AMDHD1: variants seen among roughly 807,000 people sequenced by gnomAD.
The protein encoded by AMDHD1 is amidohydrolase domain containing 1.
In AMDHD1, 45 loss-of-function variants were observed where a neutral mutation model predicts 44.1. That is an observed-to-expected ratio of 1.02 (90% CI 0.80 to 1.31). AMDHD1 has a LOEUF of 1.31. AMDHD1 is among the 50% of genes most tolerant of loss of function. The pLI is 0.00. For synonymous variants in AMDHD1, 206 were observed against 205.0 expected, an observed-to-expected ratio of 1.00 and a Z score of -0.04; for missense variants, 586 against 552.1, an observed-to-expected ratio of 1.06 and a Z score of -0.61.
intron 1 of AMDHD1, among the ~76,000 whole-genome samples, chr12:95,944,102 T>C (rs1214596948): frequency 1.3e-5 from 2 of 152,112 alleles, no homozygotes; most frequent in Non-Finnish European, 2.9e-5. Context: ...GAAAACAAGA[T>C]ATTTCTCTTA....
In AMDHD1 at chr12:95,943,414, A is replaced by G. The variant is rs1256560419; in HGVS notation, c.16A>G (p.Ser6Gly). Residue 6 changes from serine to glycine, a missense_variant, in exon 1 of 9, where the codon AGC becomes GGC. Coordinates refer to ENST00000266736, the MANE Select transcript of AMDHD1 (RefSeq NM_152435.3). ...GCGAGGCGACATGGCAAGCGGCCAC[A>G]GCCTCCTGCTGGAGAACGCGCAGCA... MASGH[S>G]LLLENAQQVV... The G allele has an allele frequency of 6.7e-7, 1 of 1,501,280 alleles. No homozygotes were observed. Among genetic ancestry groups the G allele is most frequent in the Non-Finnish European group, 8.8e-7 (1 of 1,132,160 alleles). The allele number at this position is 1,501,280 out of a possible 1,614,324, so 93.0% of individuals were successfully genotyped here.
rs1443702325 is a variant in AMDHD1 at position 95,962,558 on chromosome 12, T to C, written c.938+79T>C. On this transcript the variant is annotated intron_variant, in intron 6 of 8. Transcript: ENST00000266736. Reference sequence around the variant, plus strand: ...ACAGACGTCCAAAGTGCCCAGACATTATTTCATTGCCCTTACAAATCCCTT... The same window carrying C: ...ACAGACGTCCAAAGTGCCCAGACATCATTTCATTGCCCTTACAAATCCCTT... 27 of 1,438,472 alleles carry C rather than the reference T, an allele frequency of 1.9e-5. No homozygotes were observed. In the East Asian group the frequency reaches 5.2e-4, roughly 27 times the overall value. The allele number at this position is 1,438,472 out of a possible 1,614,324, so 89.1% of individuals were successfully genotyped here. A position where few individuals can be genotyped will look rare whatever the true frequency, so the allele number is the denominator to read the frequency against.
At chr12:95,959,790 C>CTTTTTTTT (rs63130861) in intron 4 of AMDHD1, among the ~76,000 whole-genome samples, 1 of 67,360 alleles carries the variant, frequency 1.5e-5, no homozygotes, top group African/African-American at 6.2e-5. Flanking sequence ...GAAGATTATG[C>CTTTTTTTT]TTTTTTTTTT....
intron 6 of AMDHD1, 46 bp from the exon 7 acceptor site, chr12:95,965,640 A>C: frequency 7.3e-7 from 1 of 1,366,484 alleles, no homozygotes; most frequent in Non-Finnish European, 1.0e-6. Context: ...GCTATTCTAC[A>C]AAAGCTCCCA....
chr12:95,964,364 T>C (rs1365618683), intron 6 of AMDHD1, among the ~76,000 whole-genome samples: 1 of 152,246 alleles, frequency 6.6e-6, no homozygotes, highest in African/African-American at 2.4e-5. Context: ...CATTGCCTTA[T>C]GCTACTTAAG....
intron 1 of AMDHD1, among the ~76,000 whole-genome samples, chr12:95,951,128 A>G (rs1278528104): frequency 6.6e-6 from 1 of 152,168 alleles, no homozygotes; most frequent in South Asian, 2.1e-4. Flanking sequence ...TGTGCAACAT[A>G]TTATTGCTGA....
intron 4 of AMDHD1, among the ~76,000 whole-genome samples, chr12:95,958,404 T>C (rs574982590): frequency 2.0e-5 from 3 of 152,326 alleles, no homozygotes; most frequent in African/African-American, 7.2e-5. Flanking sequence ...AAGACATAAA[T>C]ATTTAATATT....
In AMDHD1 at chr12:95,943,526, T is replaced by A. The variant is rs2080476108; in HGVS notation, c.128T>A (p.Val43Glu). The change falls in exon 1 of 9, where the codon GTG becomes GAG. Residue 43 changes from valine to glutamate, a missense_variant. By Grantham distance (121) the Val-to-Glu change is moderately radical. Coordinates refer to ENST00000266736, the MANE Select transcript of AMDHD1 (RefSeq NM_152435.3). The part of the protein sequence containing the change: ...SLAVLEGASL[V>E]VGKDGFIKAI... ...GCGGTGCTGGAAGGCGCCAGCCTGG[T>A]GGTGGGCAAGTAAGTGGCCGGGCGC... 6.8e-7 allele frequency: 1 copy of A among 1,470,256 alleles called. No homozygotes were observed. The highest frequency in any genetic ancestry group is 2.9e-5 in the East Asian group (1 of 34,720). 91.1% of individuals were successfully genotyped at this position (1,470,256 alleles called of 1,614,324 possible). A position where few individuals can be genotyped will look rare whatever the true frequency, so the allele number is the denominator to read the frequency against.
intron 2 of AMDHD1, among the ~76,000 whole-genome samples, chr12:95,953,991 G>A (rs17024883): frequency 0.012 from 1,820 of 152,192 alleles, 28 homozygotes; most frequent in African/African-American, 0.042. Context: ...AGTCCAATCA[G>A]AGCCAATAAT....
chr12:95,964,952 G>C (rs1296251619), intron 6 of AMDHD1, among the ~76,000 whole-genome samples: 1 of 27,542 alleles, frequency 3.6e-5, no homozygotes, highest in Non-Finnish European at 7.1e-5. Context: ...AAAAAAAAAA[G>C]AGGGCAAAGG....
At chr12:95,949,160 G>GAAAAA (rs1358481972) in intron 1 of AMDHD1, among the ~76,000 whole-genome samples, 6 of 101,774 alleles carry the variant, frequency 5.9e-5, no homozygotes, top group Non-Finnish European at 1.1e-4. Flanking sequence ...AAAAAAAAAA[G>GAAAAA]AAAAAAAAAA....
intron 5 of AMDHD1, among the ~76,000 whole-genome samples, chr12:95,961,689 C>T (rs949830532): frequency 6.6e-6 from 1 of 152,266 alleles, no homozygotes; most frequent in African/African-American, 2.4e-5. Flanking sequence ...ATTTTGACTG[C>T]TGCCTCTCCC....
chr12:95,947,856 T>G (rs1424558741), intron 1 of AMDHD1, among the ~76,000 whole-genome samples: 3 of 68,508 alleles, frequency 4.4e-5, no homozygotes, highest in Non-Finnish European at 8.5e-5. Flanking sequence ...GTCTGGGAGG[T>G]GAGGGGCGCC....
Position 95,954,901 on chromosome 12 carries a change from T to C in AMDHD1, c.245-10T>C, listed in dbSNP as rs759742622. ...CTTAATTGTAAGATAACTTGATTTA[T>C]TGATTATAGGTTTGGTGGATGCACA... On this transcript the variant is annotated splice_polypyrimidine_tract_variant and intron_variant, in intron 2 of 8. Coordinates refer to ENST00000266736, the MANE Select transcript of AMDHD1 (RefSeq NM_152435.3). 2.8e-5 allele frequency: 45 copies of C among 1,613,754 alleles called. No homozygotes were observed. The highest frequency in any genetic ancestry group is 3.8e-5 in the Non-Finnish European group (45 of 1,179,804).
intron 1 of AMDHD1, among the ~76,000 whole-genome samples, chr12:95,950,250 AT>A (rs1450723120): frequency 6.6e-6 from 1 of 152,198 alleles, no homozygotes; most frequent in African/African-American, 2.4e-5. Context: ...ACTAAATTCT[AT>A]TTCAAGACTT....
rs773222770 is a variant in AMDHD1 at position 95,967,738 on chromosome 12, T to TG, written c.1194-18_1194-17insG. ...CACACATTGAAGTAATATTTGTTGTTTTTTTTTTTTTTTCTAGATGGGAGC... is the reference window on the plus strand; with the variant it reads ...CACACATTGAAGTAATATTTGTTGTTGTTTTTTTTTTTTTCTAGATGGGAGC... On this transcript the variant is annotated splice_polypyrimidine_tract_variant and intron_variant, in intron 8 of 8. Transcript: ENST00000266736. 2.3e-4 allele frequency: 298 copies of TG among 1,270,890 alleles called. No individual in the cohort carries two copies. The highest frequency in any genetic ancestry group is 4.0e-4 in the Middle Eastern group (2 of 5,020). 78.7% of individuals were successfully genotyped at this position (1,270,890 alleles called of 1,614,324 possible). A position where few individuals can be genotyped will look rare whatever the true frequency, so the allele number is the denominator to read the frequency against.
chr12:95,945,016 C>G (rs1298278166), intron 1 of AMDHD1, among the ~76,000 whole-genome samples: 1 of 152,142 alleles, frequency 6.6e-6, no homozygotes, highest in Non-Finnish European at 1.5e-5. Flanking sequence ...CGTCTGTAAT[C>G]CCAGCTACTC....
At position 95,943,434 on chromosome 12, in the gene AMDHD1, G is replaced by A; in HGVS notation, c.36G>A (p.Ala12=). The A allele has an allele frequency of 6.6e-7, 1 of 1,506,430 alleles. No homozygotes were observed. 93.3% of individuals were successfully genotyped at this position (1,506,430 alleles called of 1,614,324 possible). ...GCCACAGCCTCCTGCTGGAGAACGC[G>A]CAGCAAGTGGTGCTGGTGTGCGCCC... ...ASGHSLLLEN[A]QQVVLVCARG... is the part of the protein sequence containing the mutation. The change falls in exon 1 of 9, where the codon GCG becomes GCA. Residue 12 remains alanine, a synonymous_variant. Coordinates refer to ENST00000266736, the MANE Select transcript of AMDHD1 (RefSeq NM_152435.3).
intron 1 of AMDHD1, among the ~76,000 whole-genome samples, chr12:95,947,634 C>T (rs1468194779): frequency 6.2e-4 from 38 of 61,368 alleles, no homozygotes; most frequent in East Asian, 7.2e-3. Flanking sequence ...GGGGGGTCAG[C>T]CCCCCGCCCG....
Sources: gnomAD v4.1 joint callset for allele counts (sites outside exome capture counted in the v4.1 genomes callset) on GRCh38, gnomAD v4.1.1 for gene constraint, MANE v1.5 for transcripts, NCBI Gene and HGNC (gene_info 2026-07-23, HGNC 2026-07-21) for gene names.